Variants in C4orf50 observed in about 807,000 individuals in gnomAD.
The protein encoded by C4orf50 is uncharacterized protein C4orf50.
Under a neutral mutation model 77.2 loss-of-function variants are expected in C4orf50, and 80 were observed. The observed-to-expected ratio is 1.04, with a 90% confidence interval of 0.87 to 1.25. C4orf50 has a LOEUF of 1.25. C4orf50 is among the 50% of genes most tolerant of loss of function. The pLI is 0.00. For synonymous variants in C4orf50, 532 were observed against 465.3 expected (o/e 1.14, Z -1.84); for missense variants, 1,257 against 1,152.9 (o/e 1.09, Z -1.31).
chr4:5,959,538 T>G lies in C4orf50; in HGVS notation c.4364A>C (p.Gln1455Pro), dbSNP rs529651671. ...AGGACAGGGCATTCCGCCTTTTTCT[T>G]GCAGACGTTGTGCGGGGAGACCTGG... The change falls in exon 34 of 34, where the codon CAA (glutamine) becomes CCA (proline). Residue 1455 changes from glutamine to proline, a missense_variant. Physicochemically the swap from Gln to Pro is moderately conservative, Grantham distance 76 (BLOSUM62 -1). Transcript: ENST00000531445. 30 of 1,614,192 alleles carry G rather than the reference T, an allele frequency of 1.9e-5. No individual in the cohort carries two copies. In the Middle Eastern group the frequency reaches 9.9e-4, roughly 53 times the overall value.
At chr4:5,910,917 T>C (rs1263821776) in intron 7 of C4orf50, among the ~76,000 whole-genome samples, 1 of 143,716 alleles carries the variant, frequency 7.0e-6, no homozygotes, top group African/African-American at 2.6e-5. Flanking sequence ...CTTTTTTTTT[T>C]TTTTTTTTTT....
At chr4:5,933,080 C>T (rs1717838198) in intron 7 of C4orf50, among the ~76,000 whole-genome samples, 1 of 152,112 alleles carries the variant, frequency 6.6e-6, no homozygotes, top group South Asian at 2.1e-4. Context: ...TGGACGGGAG[C>T]CTGGTGTTGT....
chr4:6,014,332 A>T (rs1722604288), intron 23 of C4orf50, among the ~76,000 whole-genome samples: 1 of 152,152 alleles, frequency 6.6e-6, no homozygotes, highest in Non-Finnish European at 1.5e-5. Flanking sequence ...TTATGTTAAT[A>T]CTTGTCAAGC....
chr4:5,950,454 A>G (rs569664877), intron 7 of C4orf50, among the ~76,000 whole-genome samples: 70 of 152,362 alleles, frequency 4.6e-4, no homozygotes, highest in Middle Eastern at 3.4e-3. Context: ...GCTGATGACT[A>G]CGTGAGGTTC....
Position 5,959,548 on chromosome 4 carries a change from G to A in C4orf50, c.4354C>T (p.Gln1452Ter). ...ATTCCGCCTTTTTCTTGCAGACGTTGTGCGGGGAGACCTGGTTCCACAGTG... is the reference window on the plus strand; with the variant it reads ...ATTCCGCCTTTTTCTTGCAGACGTTATGCGGGGAGACCTGGTTCCACAGTG... The change falls in exon 34 of 34, where the codon CAA becomes TAA. Residue 1452 changes from glutamine (Q) to a stop codon, truncating the protein, a stop_gained. Transcript: ENST00000531445. LOFTEE classifies it low-confidence loss of function (END_TRUNC). The A allele has an allele frequency of 6.2e-7, 1 of 1,614,188 alleles. No homozygotes were observed. The highest frequency in any genetic ancestry group is 8.5e-7 in the Non-Finnish European group (1 of 1,180,040).
At chr4:5,985,022 T>C (rs1363270186) in intron 28 of C4orf50, among the ~76,000 whole-genome samples, 1 of 151,786 alleles carries the variant, frequency 6.6e-6, no homozygotes, top group East Asian at 1.9e-4. Context: ...AGAAAAACAA[T>C]GACAATTATG....
downstream of C4orf50, among the ~76,000 whole-genome samples, chr4:5,954,441 G>A (rs1365636727): frequency 6.6e-6 from 1 of 152,162 alleles, no homozygotes; most frequent in Non-Finnish European, 1.5e-5. The surrounding 1 kb of genome is among the most constrained non-coding windows in gnomAD (Gnocchi z 4.7). Context: ...GGGCCCCAGG[G>A]AGCAATGGGC....
chr4:5,930,254 C>T (rs947495366), intron 7 of C4orf50, among the ~76,000 whole-genome samples: 17 of 152,158 alleles, frequency 1.1e-4, no homozygotes, highest in Non-Finnish European at 2.4e-4. Context: ...CTCTGGGCAC[C>T]TTCCATTTCT....
chr4:5,928,313 CT>C (rs1214286424), intron 7 of C4orf50, among the ~76,000 whole-genome samples: 1 of 151,856 alleles, frequency 6.6e-6, no homozygotes, highest in Non-Finnish European at 1.5e-5. Flanking sequence ...TAAGCAAAAC[CT>C]TTCATGGGCT....
chr4:5,989,733 A>T, exon 28 of C4orf50: 1 of 1,535,306 alleles, frequency 6.5e-7, no homozygotes. Context: ...CAAATCTGGG[A>T]AACAGTGGCA....
intron 7 of C4orf50, among the ~76,000 whole-genome samples, chr4:5,912,378 G>C (rs1716845901): frequency 6.6e-6 from 1 of 151,988 alleles, no homozygotes; most frequent in Admixed American, 6.6e-5. Context: ...AAATGTAATA[G>C]GAAAAAATTG....
intron 31 of C4orf50, among the ~76,000 whole-genome samples, chr4:5,968,823 G>A (rs937349838): frequency 2.0e-5 from 3 of 152,124 alleles, no homozygotes; most frequent in South Asian, 4.2e-4. Flanking sequence ...GTTCGCCTTC[G>A]TAGAGGATAC....
At chr4:5,986,754 G>A (rs1391906165) in intron 28 of C4orf50, among the ~76,000 whole-genome samples, 2 of 152,008 alleles carry the variant, frequency 1.3e-5, no homozygotes, top group Non-Finnish European at 2.9e-5. Flanking sequence ...GGCCAGGCAG[G>A]TCTCGAACTC....
At chr4:6,016,339 A>G (rs1407744637) in intron 23 of C4orf50, among the ~76,000 whole-genome samples, 2 of 152,214 alleles carry the variant, frequency 1.3e-5, no homozygotes, top group Non-Finnish European at 2.9e-5. Flanking sequence ...GCTTGAGGTC[A>G]GACGTTCGAG....
At position 5,908,036 on chromosome 4, in the gene C4orf50, G is replaced by GATTAATTC. The variant is rs1716632519; in HGVS notation, c.*2475-9849_*2475-9848insGAATTAAT. On this transcript the variant is annotated intron_variant, in intron 7 of 7. Coordinates refer to the C4orf50 transcript ENST00000324058. The surrounding 1 kb of genome is among the most constrained non-coding windows in gnomAD (Gnocchi z 5.6). ...TAACAAAAAGAGCTGACCATTCACT[G>GATTAATTC]ATTCATTCATTCATTCATTCATTCA... is the stretch of plus-strand genomic sequence containing the variant. 6.6e-6 allele frequency among the ~76,000 whole-genome samples: 1 copy of GATTAATTC among 151,270 alleles called. No individual in the cohort carries two copies. The highest frequency in any genetic ancestry group is 1.5e-5 in the Non-Finnish European group (1 of 67,694).
chr4:5,973,729 G>A (rs773393315), exon 31 of C4orf50: 75 of 1,613,832 alleles, frequency 4.6e-5, no homozygotes, highest in South Asian at 9.9e-5. Context: ...CATGTTCTGC[G>A]CCAGCTCGGA....
At chr4:5,923,463 G>C (rs1000808360) in intron 7 of C4orf50, 6 of 152,608 alleles carry the variant, frequency 3.9e-5, no homozygotes, top group African/African-American at 1.4e-4. Context: ...TGTGGCGGGG[G>C]CGGCTGGGGA....
intron 7 of C4orf50, among the ~76,000 whole-genome samples, chr4:5,921,946 T>C (rs887438398): frequency 6.6e-6 from 1 of 151,942 alleles, no homozygotes; most frequent in South Asian, 2.1e-4. Flanking sequence ...AGCAGCAGAG[T>C]GTCTCTCTGA....
At chr4:5,913,307 C>G (rs76664210) in intron 7 of C4orf50, among the ~76,000 whole-genome samples, 8,344 of 152,276 alleles carry the variant, frequency 0.055, 283 homozygotes, top group South Asian at 0.087. Flanking sequence ...CAGACCATAG[C>G]TCCTTGATGA....
Sources: allele counts gnomAD v4.1 joint callset (sites outside exome capture counted in the v4.1 genomes callset), GRCh38; gene constraint gnomAD v4.1.1; non-coding constraint Gnocchi (gnomAD v3.1); transcripts MANE v1.5; gene names NCBI Gene and HGNC (gene_info 2026-07-23, HGNC 2026-07-21).